The following CTNNA2 variants were observed in gnomAD, a reference collection of about 807,000 sequenced individuals.
The protein encoded by CTNNA2 is catenin alpha 2.
Under a neutral mutation model 101.0 loss-of-function variants are expected in CTNNA2, and 42 were observed. That is an observed-to-expected ratio of 0.42 (90% CI 0.32 to 0.54). The LOEUF is 0.54. Ranked by LOEUF, CTNNA2 falls within the 20% of genes least tolerant of loss-of-function variation. The pLI is 0.14. For synonymous variants in CTNNA2, 450 were observed against 456.4 expected, an observed-to-expected ratio of 0.99 and a Z score of 0.18; for missense variants, 871 against 1,223.1, an observed-to-expected ratio of 0.71 and a Z score of 4.29.
chr2:79,189,987 C>T (rs557197071), intron 1 of CTNNA2, among the ~76,000 whole-genome samples: 1 of 152,224 alleles, frequency 6.6e-6, no homozygotes, highest in East Asian at 1.9e-4. Context: ...AAAATTAAGG[C>T]ACAATTTATT....
chr2:80,223,286 C>G (rs1239551434), intron 7 of CTNNA2, among the ~76,000 whole-genome samples: 1 of 152,052 alleles, frequency 6.6e-6, no homozygotes, highest in Non-Finnish European at 1.5e-5. Context: ...TAAACGAAAA[C>G]ATCAGGAAGT....
chr2:79,704,475 T>A (rs1044043497), intron 2 of CTNNA2, among the ~76,000 whole-genome samples: 8 of 152,038 alleles, frequency 5.3e-5, no homozygotes, highest in African/African-American at 1.9e-4. Flanking sequence ...CAAAGCACCG[T>A]CTGGCATATG....
chr2:80,287,254 A>G (rs1011352043), intron 7 of CTNNA2, among the ~76,000 whole-genome samples: 2 of 152,218 alleles, frequency 1.3e-5, no homozygotes, highest in Admixed American at 6.5e-5. Context: ...AGAGAATGAT[A>G]GAAATGACTT....
intron 8 of CTNNA2, among the ~76,000 whole-genome samples, chr2:80,399,443 G>A (rs1388382738): frequency 1.3e-5 from 2 of 152,148 alleles, no homozygotes; most frequent in Non-Finnish European, 2.9e-5. Flanking sequence ...ACATTGGCTT[G>A]ACACTAGCAA....
At chr2:79,588,042 G>C (rs1246711489) in intron 1 of CTNNA2, among the ~76,000 whole-genome samples, 1 of 152,176 alleles carries the variant, frequency 6.6e-6, no homozygotes, top group African/African-American at 2.4e-5. Flanking sequence ...AGTAGGCTTA[G>C]AGACTTGCCA....
chr2:79,328,724 G>C (rs1374809233), intron 3 of CTNNA2, among the ~76,000 whole-genome samples: 1 of 152,104 alleles, frequency 6.6e-6, no homozygotes, highest in Non-Finnish European at 1.5e-5. Flanking sequence ...TATTACAATG[G>C]GCCTGTCCTA....
At chr2:80,365,341 C>G (rs527577411) in intron 7 of CTNNA2, among the ~76,000 whole-genome samples, 1 of 152,256 alleles carries the variant, frequency 6.6e-6, no homozygotes, top group African/African-American at 2.4e-5. Flanking sequence ...GACATGCTGA[C>G]AGTGCAGCCC....
intron 3 of CTNNA2, among the ~76,000 whole-genome samples, chr2:79,350,250 T>A (rs1413930128): frequency 6.6e-6 from 1 of 152,086 alleles, no homozygotes; most frequent in Non-Finnish European, 1.5e-5. Context: ...GACAATTTTA[T>A]CCAATAGGTA....
Position 79,605,242 on chromosome 2 carries a change from C to T in CTNNA2, c.-5-46310C>T, listed in dbSNP as rs73938735. Among the ~76,000 whole-genome samples, 1,192 of 152,016 alleles carry T rather than the reference C, an allele frequency of 7.8e-3. 13 individuals are homozygous for T. The highest frequency in any genetic ancestry group is 0.027 in the African/African-American group (1,128 of 41,452). On this transcript the variant is annotated intron_variant, in intron 1 of 18. Transcript: ENST00000402739. Reference sequence around the variant, plus strand: ...CTGGATGGGACTAGTGGTAGATTCGCCATGATAGGAGAAGTAGATTAGTGA... The same window carrying T: ...CTGGATGGGACTAGTGGTAGATTCGTCATGATAGGAGAAGTAGATTAGTGA...
At chr2:79,376,298 T>G (rs1162046473) in intron 4 of CTNNA2, among the ~76,000 whole-genome samples, 3 of 152,104 alleles carry the variant, frequency 2.0e-5, no homozygotes. Flanking sequence ...CGGTGGGCTG[T>G]CCCCAAACTG....
intron 2 of CTNNA2, among the ~76,000 whole-genome samples, chr2:79,714,296 A>C (rs1169799908): frequency 6.6e-6 from 1 of 151,986 alleles, no homozygotes; most frequent in East Asian, 1.9e-4. Flanking sequence ...TATATTTAAC[A>C]TTATGTGTTG....
At chr2:80,227,393 T>C (rs1166430742) in intron 7 of CTNNA2, among the ~76,000 whole-genome samples, 1 of 152,240 alleles carries the variant, frequency 6.6e-6, no homozygotes, top group East Asian at 1.9e-4. Flanking sequence ...TCTTCATTTA[T>C]AGATGAAGCA....
chr2:79,243,005 C>CACACAT (rs1553385624), intron 2 of CTNNA2, among the ~76,000 whole-genome samples: 7 of 140,340 alleles, frequency 5.0e-5, no homozygotes, highest in South Asian at 4.5e-4. Flanking sequence ...CACACACACA[C>CACACAT]ACACACACAC....
At chr2:80,456,436 G>A (rs1408056620) in intron 9 of CTNNA2, among the ~76,000 whole-genome samples, 1 of 152,154 alleles carries the variant, frequency 6.6e-6, no homozygotes, top group Non-Finnish European at 1.5e-5. Flanking sequence ...GGGTGGACTG[G>A]GGTGCTATTG....
chr2:79,642,945 C>T (rs754964797), intron 1 of CTNNA2, among the ~76,000 whole-genome samples: 39 of 151,960 alleles, frequency 2.6e-4, no homozygotes, highest in Non-Finnish European at 3.8e-4. Context: ...GTAATCCCAG[C>T]ACTTGGGGAG....
chr2:80,614,429 G>A (rs1698688245), intron 17 of CTNNA2, among the ~76,000 whole-genome samples: 1 of 151,384 alleles, frequency 6.6e-6, no homozygotes, highest in Non-Finnish European at 1.5e-5. Flanking sequence ...GATGTGTGTA[G>A]GTTTCATGTA....
intron 4 of CTNNA2, among the ~76,000 whole-genome samples, chr2:79,493,481 T>G: frequency 6.6e-6 from 1 of 152,104 alleles, no homozygotes; most frequent in East Asian, 1.9e-4. Flanking sequence ...CCAGGTGTGG[T>G]GGCACATGCC....
At position 79,807,483 on chromosome 2, in the gene CTNNA2, T is replaced by G. The variant is rs55904090; in HGVS notation, c.299-50530T>G. On this transcript the variant is annotated intron_variant, in intron 3 of 18. Transcript: ENST00000402739. ...AAGCATTTTTTAGCCTTAAAAATAG[T>G]TTAAACTGTTCCTAGTAAGTGAAAA... 6.0e-3 allele frequency among the ~76,000 whole-genome samples: 908 copies of G among 152,326 alleles called. 6 individuals are homozygous for G. The highest frequency in any genetic ancestry group is 0.021 in the African/African-American group (875 of 41,584).
chr2:79,228,896 AT>A (rs774568126), intron 2 of CTNNA2, among the ~76,000 whole-genome samples: 13 of 152,214 alleles, frequency 8.5e-5, no homozygotes, highest in East Asian at 7.7e-4. Context: ...GGGGTATTAC[AT>A]TTACATTTTT....
Sources: allele counts gnomAD v4.1 joint callset (sites outside exome capture counted in the v4.1 genomes callset), GRCh38; gene constraint gnomAD v4.1.1; transcripts MANE v1.5; gene names NCBI Gene and HGNC (gene_info 2026-07-23, HGNC 2026-07-21).